STXBP5: variants seen among roughly 807,000 people sequenced by gnomAD.
The protein encoded by STXBP5 is syntaxin binding protein 5.
STXBP5 carries 50 observed loss-of-function variants against 152.4 expected under a neutral mutation model. The observed-to-expected ratio is 0.33, with a 90% CI of 0.26 to 0.42. The LOEUF (loss-of-function observed/expected upper bound fraction) is 0.42, where lower values mean the gene tolerates loss of function less well. STXBP5 is among the 10% of genes least tolerant of loss of function. The pLI is 1.00. For missense variants in STXBP5, 1,167 were observed against 1,388.6 expected (o/e 0.84, Z 2.54); for synonymous variants, 492 against 494.7 (o/e 0.99, Z 0.07).
At chr6:147,305,645 T>C (rs1782052190) in intron 9 of STXBP5, among the ~76,000 whole-genome samples, 1 of 152,190 alleles carries the variant, frequency 6.6e-6, no homozygotes, top group South Asian at 2.1e-4. Flanking sequence ...CTTTTCAAAT[T>C]AGGTATTAAT....
intron 2 of STXBP5, among the ~76,000 whole-genome samples, chr6:147,220,047 G>A (rs1361015250): frequency 6.6e-6 from 1 of 151,362 alleles, no homozygotes; most frequent in African/African-American, 2.4e-5. Context: ...TATTTTCTGT[G>A]TTTCCCATAA....
chr6:147,216,234 A>G (rs1329517778), intron 2 of STXBP5, among the ~76,000 whole-genome samples: 1 of 152,146 alleles, frequency 6.6e-6, no homozygotes, highest in Non-Finnish European at 1.5e-5. Flanking sequence ...TCTACTAAAA[A>G]TATAAAAATT....
In STXBP5 at chr6:147,339,427, A is replaced by G. The variant is rs893403803; in HGVS notation, c.2254+43A>G. ...CTATTTTGTTTCTAATCCTTGCTAT[A>G]TGCAGTGCTAACCCAACACCAGAAT... is the stretch of plus-strand genomic sequence containing the variant. On this transcript the variant is annotated intron_variant, in intron 21 of 27. Transcript: ENST00000321680. 19 of 1,405,240 alleles carry G rather than the reference A, an allele frequency of 1.4e-5. No individual in the cohort carries two copies. The East Asian group carries it at 2.3e-4, about 17-fold the overall frequency. The allele number at this position is 1,405,240 out of a possible 1,614,324, so 87.0% of individuals were successfully genotyped here. A position where few individuals can be genotyped will look rare whatever the true frequency, so the allele number is the denominator to read the frequency against.
At chr6:147,291,625 T>A (rs997235552) in intron 9 of STXBP5, among the ~76,000 whole-genome samples, 65 of 151,978 alleles carry the variant, frequency 4.3e-4, no homozygotes, top group African/African-American at 1.5e-3. Flanking sequence ...TTAAAGGGAG[T>A]TTGTTGGTTG....
chr6:147,380,453 CAA>C (rs1405289668), intron 26 of STXBP5, among the ~76,000 whole-genome samples: 17 of 63,606 alleles, frequency 2.7e-4, no homozygotes, highest in East Asian at 4.5e-4. Flanking sequence ...TATTCATCTG[CAA>C]AAAAAAAAAA....
chr6:147,330,222 A>AAT (rs537113521), intron 18 of STXBP5, among the ~76,000 whole-genome samples: 143 of 152,216 alleles, frequency 9.4e-4, no homozygotes, highest in South Asian at 2.7e-3. Context: ...ACTGTAGGAT[A>AAT]ATATATATAT....
At chr6:147,255,594 A>G (rs1478201710) in intron 4 of STXBP5, among the ~76,000 whole-genome samples, 1 of 152,140 alleles carries the variant, frequency 6.6e-6, no homozygotes, top group East Asian at 1.9e-4. Flanking sequence ...TCCCAGGCTC[A>G]AGCAGTCCTC....
intron 9 of STXBP5, among the ~76,000 whole-genome samples, chr6:147,304,107 G>A (rs1315228174): frequency 6.6e-6 from 1 of 152,182 alleles, no homozygotes; most frequent in African/African-American, 2.4e-5. Context: ...TAATCAACAA[G>A]ACAATAGGGT....
intron 8 of STXBP5, 39 bp from the exon 9 acceptor site, chr6:147,291,055 T>G (rs573346919): frequency 6.7e-7 from 1 of 1,490,812 alleles, no homozygotes; most frequent in African/African-American, 1.4e-5. Context: ...GTAGAGTAAC[T>G]TAGAATTTTA....
Position 147,206,010 on chromosome 6 carries a change from G to A in STXBP5, c.190G>A (p.Ala64Thr), listed in dbSNP as rs753921380. Residue 64 changes from alanine to threonine, a missense_variant, in exon 2 of 28, where the codon GCC (alanine) becomes ACC (threonine). Transcript: ENST00000321680. ...ATTTCCCTATCAACCCTCAGCCCTG[G>A]CCTTTGATCCTGTACAGAAGATCCT... ...HGFPYQPSAL[A>T]FDPVQKILAV... The A allele has an allele frequency of 1.9e-6, 3 of 1,614,144 alleles. No individual in the cohort carries two copies. The Admixed American group carries it at 5.0e-5, about 27-fold the overall frequency.
At chr6:147,365,100 C>CAG (rs200043286) in intron 25 of STXBP5, among the ~76,000 whole-genome samples, 3,073 of 152,228 alleles carry the variant, frequency 0.02, 78 homozygotes, top group Admixed American at 0.058. Context: ...GCCCCTGGTA[C>CAG]AGAGGGTGCT....
rs1175392749 is a variant in STXBP5, at chr6:147,386,680, T to G, written c.*1925T>G. 6.6e-6 allele frequency: 1 copy of G among 151,900 alleles called. No individual in the cohort carries two copies. The highest frequency in any genetic ancestry group is 1.9e-4 in the East Asian group (1 of 5,186). 9.4% of individuals were successfully genotyped at this position (151,900 alleles called of 1,614,324 possible). A position where few individuals can be genotyped will look rare whatever the true frequency, so the allele number is the denominator to read the frequency against. ...TAAATTGCTTAATTTGTGTTATCTA[T>G]TATCCAGTAAACCCATAGTTCCATG... is the stretch of plus-strand genomic sequence containing the variant. On this transcript the variant is annotated 3_prime_UTR_variant, in exon 28 of 28. Transcript: ENST00000321680.
At chr6:147,288,637 T>C (rs1781117487) in intron 8 of STXBP5, among the ~76,000 whole-genome samples, 1 of 152,188 alleles carries the variant, frequency 6.6e-6, no homozygotes, top group African/African-American at 2.4e-5. Flanking sequence ...GGCATATATC[T>C]GAGTTACCAG....
rs913283186 is a variant in STXBP5 at position 147,235,369 on chromosome 6, A to C, written c.330+38A>C. ...TTTTAATCATTTCTACTTATATCCA[A>C]AATAGGGCCACTTCTAGTCTTTCAG... On this transcript the variant is annotated intron_variant, in intron 3 of 27. Transcript: ENST00000321680. The C allele has an allele frequency of 6.6e-6, 10 of 1,518,498 alleles. 1 individual carries two copies. Among genetic ancestry groups the C allele is most frequent in the Admixed American group, 5.2e-5 (3 of 57,600 alleles). The allele number at this position is 1,518,498 out of a possible 1,614,324, so 94.1% of individuals were successfully genotyped here.
chr6:147,272,247 T>G (rs1780207831), intron 7 of STXBP5, among the ~76,000 whole-genome samples: 1 of 152,258 alleles, frequency 6.6e-6, no homozygotes, highest in South Asian at 2.1e-4. Flanking sequence ...TGCAACTCAC[T>G]TCATGAGGCA....
chr6:147,325,149 A>G (rs919127094), intron 17 of STXBP5, 65 bp downstream of exon 17: 5 of 1,320,546 alleles, frequency 3.8e-6, no homozygotes, highest in Non-Finnish European at 4.9e-6. Context: ...TTTGTTTTTA[A>G]AAATAGAAAG....
chr6:147,316,165 A>G (rs932563236), intron 15 of STXBP5, 64 bp from the exon 16 acceptor site: 5 of 1,488,166 alleles, frequency 3.4e-6, no homozygotes, highest in South Asian at 1.2e-5. Context: ...GTATGTGTGT[A>G]TAAATTGTGA....
At chr6:147,318,866 C>G (rs1417079864) in intron 16 of STXBP5, among the ~76,000 whole-genome samples, 1 of 152,052 alleles carries the variant, frequency 6.6e-6, no homozygotes, top group Non-Finnish European at 1.5e-5. Flanking sequence ...TTTTGAATAT[C>G]ACTGTGGAAC....
At chr6:147,369,799 A>G (rs117270940) in intron 25 of STXBP5, among the ~76,000 whole-genome samples, 2,419 of 152,200 alleles carry the variant, frequency 0.016, 31 homozygotes, top group Middle Eastern at 0.027. Flanking sequence ...TGGCAAGGAT[A>G]TAGACGAACT....
Sources: allele counts gnomAD v4.1 joint callset (sites outside exome capture counted in the v4.1 genomes callset), GRCh38; gene constraint gnomAD v4.1.1; transcripts MANE v1.5; gene names NCBI Gene and HGNC (gene_info 2026-07-23, HGNC 2026-07-21).